SLAMF6: variants seen among roughly 807,000 people sequenced by gnomAD.
The protein encoded by SLAMF6 is SLAM family member 6.
Under a neutral mutation model 38.3 loss-of-function variants are expected in SLAMF6, and 21 were observed. The ratio of observed to expected loss-of-function variants is 0.55; its 90% confidence interval spans 0.39 to 0.79. The LOEUF (loss-of-function observed/expected upper bound fraction) is 0.79, where lower values mean the gene tolerates loss of function less well. Ranked by LOEUF, SLAMF6 falls within the 30% of genes least tolerant of loss-of-function variation. The pLI, the probability that SLAMF6 is intolerant of heterozygous loss-of-function variation, is 0.00. For missense variants in SLAMF6, 341 were observed against 385.3 expected (o/e 0.89, Z 0.96); for synonymous variants, 152 against 146.3 (o/e 1.04, Z -0.28).
In SLAMF6 at chr1:160,491,190, G is replaced by A. The variant is rs144974674; in HGVS notation, c.581C>T (p.Thr194Ile). ...DPRISSEQDYTCIAENAVSNL... is the reference protein window; with the variant it reads ...DPRISSEQDYICIAENAVSNL... The stretch of plus-strand genomic sequence containing the variant: ...ACTGACAGCATTCTCTGCTATGCAG[G>A]TGTAGTCCTGTTCACTGGAAATCCT... Residue 194 changes from threonine (T) to isoleucine (I), a missense_variant, in exon 3 of 8, where the codon ACC becomes ATC. Coordinates refer to ENST00000368057, the MANE Select transcript of SLAMF6 (RefSeq NM_001184714.2). 21 of 1,613,980 alleles carry A rather than the reference G, an allele frequency of 1.3e-5. No individual in the cohort carries two copies. The African/African-American group carries it at 2.4e-4, about 18-fold the overall frequency.
intron 2 of SLAMF6, among the ~76,000 whole-genome samples, chr1:160,492,408 C>T (rs553222890): frequency 6.6e-6 from 1 of 152,220 alleles, no homozygotes; most frequent in South Asian, 2.1e-4. Flanking sequence ...TTACTGGCTA[C>T]ATGACCACGG....
intron 2 of SLAMF6, among the ~76,000 whole-genome samples, chr1:160,493,730 A>G (rs1653421704): frequency 6.6e-6 from 1 of 152,208 alleles, no homozygotes. Context: ...ACTCAAGACT[A>G]GGTACTTTAT....
chr1:160,494,662 A>G (rs1247980327), intron 2 of SLAMF6, among the ~76,000 whole-genome samples: 1 of 152,230 alleles, frequency 6.6e-6, no homozygotes, highest in African/African-American at 2.4e-5. Flanking sequence ...TGAGACAGAC[A>G]GAAAAGAAGG....
chr1:160,496,215 G>C lies in SLAMF6; in HGVS notation c.228C>G (p.His76Gln). 1 of 1,613,922 alleles carries C rather than the reference G, an allele frequency of 6.2e-7. No individual in the cohort carries two copies. The highest frequency in any genetic ancestry group is 8.5e-7 in the Non-Finnish European group (1 of 1,179,926). ...GCTTTCCCTGTTTCGGATTAGTCAC[G>C]TGGATTTCTGGACTTTTGGTTTCAT... ...VPHETKSPEI[H>Q]VTNPKQGKRL... Residue 76 changes from histidine (H) to glutamine (Q), a missense_variant, in exon 2 of 8, where the codon CAC (histidine) becomes CAG (glutamine). His to Gln is a conservative substitution (Grantham distance 24, BLOSUM62 0). Coordinates refer to ENST00000368057, the MANE Select transcript of SLAMF6 (RefSeq NM_001184714.2).
chr1:160,503,829 G>A (rs911014331), intron 1 of SLAMF6, among the ~76,000 whole-genome samples: 8 of 151,818 alleles, frequency 5.3e-5, no homozygotes, highest in African/African-American at 1.9e-4. Context: ...AAAATGCTAG[G>A]AGTTCTAGTC....
At chr1:160,511,872 G>T (rs12401994) in intron 1 of SLAMF6, among the ~76,000 whole-genome samples, 20,092 of 152,140 alleles carry the variant, frequency 0.13, 1,750 homozygotes, top group Non-Finnish European at 0.18. Flanking sequence ...AGGAAAACAG[G>T]GTGGAACAAC....
At chr1:160,490,155 C>G in intron 5 of SLAMF6, 43 bp downstream of exon 5, 9 of 1,605,632 alleles carry the variant, frequency 5.6e-6, no homozygotes, top group Non-Finnish European at 6.0e-6. Flanking sequence ...TTTGGCTCTT[C>G]CCATCTGCTT....
chr1:160,491,653 G>C (rs1455819201), intron 2 of SLAMF6, among the ~76,000 whole-genome samples: 1 of 152,108 alleles, frequency 6.6e-6, no homozygotes, highest in African/African-American at 2.4e-5. Flanking sequence ...CAACTAGCTG[G>C]GTAGTTTTGG....
At chr1:160,490,426 G>A (rs1653223066) in intron 4 of SLAMF6, 149 bp downstream of exon 4, 1 of 1,285,678 alleles carries the variant, frequency 7.8e-7, no homozygotes, top group Admixed American at 2.3e-5. Context: ...ATCACACCCA[G>A]GGATTATCTC....
rs540905701 is a variant in SLAMF6, at chr1:160,500,056, T to A, written c.50-3663A>T. On this transcript the variant is annotated intron_variant, in intron 1 of 7. Coordinates refer to ENST00000368057, the MANE Select transcript of SLAMF6 (RefSeq NM_001184714.2). The stretch of plus-strand genomic sequence containing the variant: ...TGCTGTCAGAAGTCAAGAGAGTGGT[T>A]ACCTTTGAGGAGGGAGAGGTGGTGA... Among the ~76,000 whole-genome samples the A allele has an allele frequency of 9.6e-4, 146 of 152,346 alleles. 3 individuals are homozygous for A. The highest frequency in any genetic ancestry group is 3.2e-3 in the African/African-American group (133 of 41,580).
intron 6 of SLAMF6, among the ~76,000 whole-genome samples, chr1:160,488,844 A>C (rs1653110886): frequency 6.6e-6 from 1 of 152,234 alleles, no homozygotes; most frequent in African/African-American, 2.4e-5. Context: ...CTGAAGGGAC[A>C]AGACTTACTG....
intron 1 of SLAMF6, among the ~76,000 whole-genome samples, chr1:160,515,783 G>C (rs1654712103): frequency 6.6e-6 from 1 of 152,024 alleles, no homozygotes; most frequent in South Asian, 2.1e-4. Flanking sequence ...ACACAGAAAA[G>C]GCCTTCTATA....
At position 160,518,469 on chromosome 1, in the gene SLAMF6, C is replaced by T. The variant is rs144340322; in HGVS notation, c.49+4675G>A. 6.7e-3 allele frequency among the ~76,000 whole-genome samples: 1,019 copies of T among 152,202 alleles called. 9 individuals are homozygous for T. Among genetic ancestry groups the T allele is most frequent in the South Asian group, 0.013 (62 of 4,830 alleles). On this transcript the variant is annotated intron_variant, in intron 1 of 7. Transcript: ENST00000368057. Reference sequence around the variant, plus strand: ...TATGTGTATGTGCATGTTCATTGCACGTGTATCTTCATTGCAGCACTATTC... The same window carrying T: ...TATGTGTATGTGCATGTTCATTGCATGTGTATCTTCATTGCAGCACTATTC...
intron 1 of SLAMF6, among the ~76,000 whole-genome samples, chr1:160,510,465 T>C (rs758826843): frequency 1.3e-5 from 2 of 152,140 alleles, no homozygotes; most frequent in South Asian, 2.1e-4. Flanking sequence ...CAGTATATGA[T>C]ATTAACAGAA....
At chr1:160,514,835 C>A (rs1326527194) in intron 1 of SLAMF6, among the ~76,000 whole-genome samples, 1 of 152,178 alleles carries the variant, frequency 6.6e-6, no homozygotes, top group East Asian at 1.9e-4. Flanking sequence ...GTATCAGAAT[C>A]TCTGGATGCA....
Position 160,488,976 on chromosome 1 carries a change from G to C in SLAMF6, c.879+112C>G, listed in dbSNP as rs1653117836. The C allele has an allele frequency of 2.7e-5, 26 of 971,766 alleles. No individual in the cohort carries two copies. The South Asian group carries it at 3.2e-4, about 12-fold the overall frequency. The allele number at this position is 971,766 out of a possible 1,614,324, so 60.2% of individuals were successfully genotyped here. On this transcript the variant is annotated intron_variant, in intron 6 of 7. Transcript: ENST00000368057. Reference sequence around the variant, plus strand: ...CTTTGCAGCCCCTGTCGCTGTGGCTGTCTTCTCCTCCCCTCAGTGGTCATT... The same window carrying C: ...CTTTGCAGCCCCTGTCGCTGTGGCTCTCTTCTCCTCCCCTCAGTGGTCATT...
chr1:160,518,213 C>T lies in SLAMF6; in HGVS notation c.49+4931G>A, dbSNP rs77182177. The stretch of plus-strand genomic sequence containing the variant: ...CATCAAAACCACAATGGGATACCAT[C>T]TCACACAGGTCAGAATGGCAATTAT... On this transcript the variant is annotated intron_variant, in intron 1 of 7. Transcript: ENST00000368057. 4.4e-3 allele frequency among the ~76,000 whole-genome samples: 674 copies of T among 152,152 alleles called. 9 individuals carry two copies. The highest frequency in any genetic ancestry group is 2.7e-3 in the Non-Finnish European group (183 of 68,006).
Position 160,519,396 on chromosome 1 carries a change from A to C in SLAMF6, c.49+3748T>G, listed in dbSNP as rs560275355. Among the ~76,000 whole-genome samples the C allele has an allele frequency of 5.9e-5, 9 of 152,290 alleles. No individual in the cohort carries two copies. In the South Asian group the frequency reaches 1.9e-3, roughly 32 times the overall value. On this transcript the variant is annotated intron_variant, in intron 1 of 7. Transcript: ENST00000368057. Reference sequence around the variant, plus strand: ...TAAAATGGTACAGCCATTGTGGAAAACAGTTTGGCAATTTCCCAAAAAGTT... The same window carrying C: ...TAAAATGGTACAGCCATTGTGGAAACCAGTTTGGCAATTTCCCAAAAAGTT...
chr1:160,505,278 CTA>C (rs1200778289), intron 1 of SLAMF6, among the ~76,000 whole-genome samples: 1 of 152,104 alleles, frequency 6.6e-6, no homozygotes, highest in Non-Finnish European at 1.5e-5. Context: ...TTAAAAATAT[CTA>C]GTTTCAACAA....
Sources: allele counts gnomAD v4.1 joint callset (sites outside exome capture counted in the v4.1 genomes callset), GRCh38; gene constraint gnomAD v4.1.1; transcripts MANE v1.5; gene names NCBI Gene and HGNC (gene_info 2026-07-23, HGNC 2026-07-21).